Variants in CACNA1G observed in about 807,000 individuals in gnomAD.
The protein encoded by CACNA1G is voltage-dependent T-type calcium channel subunit alpha-1G.
CACNA1G carries 67 observed loss-of-function variants against 219.4 expected under a neutral mutation model. That is an observed-to-expected ratio of 0.31 (90% CI 0.25 to 0.37). CACNA1G has a LOEUF of 0.37. CACNA1G is among the 10% of genes least tolerant of loss of function. The pLI, the probability that CACNA1G is intolerant of heterozygous loss-of-function variation, is 1.00. For synonymous variants in CACNA1G, 1,296 were observed against 1,345.3 expected (o/e 0.96, Z 0.80); for missense variants, 2,380 against 3,231.4 (o/e 0.74, Z 6.39).
rs547688355 is a variant in CACNA1G at position 50,561,087 on chromosome 17, C to A, written c.-373C>A. The A allele has an allele frequency of 4.6e-3, 2,054 of 445,270 alleles. 30 individuals carry two copies. Among genetic ancestry groups the A allele is most frequent in the Non-Finnish European group, 5.0e-3 (1,142 of 230,174 alleles). The allele number at this position is 445,270 out of a possible 1,614,324, so 27.6% of individuals were successfully genotyped here. A position where few individuals can be genotyped will look rare whatever the true frequency, so the allele number is the denominator to read the frequency against. ...GGACCCCCGCCCTCCGCCGCTGCCC[C>A]CCTTTTCGTTCGCCCTCTCGGGGCG... On this transcript the variant is annotated 5_prime_UTR_variant, in exon 1 of 38. Coordinates refer to ENST00000359106, the MANE Select transcript of CACNA1G (RefSeq NM_018896.5).
Position 50,621,633 on chromosome 17 carries a change from T to C in CACNA1G, c.5926-27T>C. ...GCGTGTGCGCTGTCCTGGTTTCTCA[T>C]GCCTGATCATCTCTCTCCCTGTCTA... is the stretch of plus-strand genomic sequence containing the variant. On this transcript the variant is annotated intron_variant, in intron 34 of 37. Coordinates refer to ENST00000359106, the MANE Select transcript of CACNA1G (RefSeq NM_018896.5). This position sits in a 1 kb window ranked among gnomAD's most constrained non-coding sequence, Gnocchi z 4.6. The C allele has an allele frequency of 6.2e-7, 1 of 1,611,922 alleles. No homozygotes were observed. Among genetic ancestry groups the C allele is most frequent in the Non-Finnish European group, 8.5e-7 (1 of 1,178,464 alleles).
chr17:50,566,484 C>T (rs1486019174), intron 1 of CACNA1G, among the ~76,000 whole-genome samples: 1 of 152,194 alleles, frequency 6.6e-6, no homozygotes, highest in African/African-American at 2.4e-5. Context: ...CTGACATGAT[C>T]AAGAGCTGTG....
intron 4 of CACNA1G, 149 bp downstream of exon 4, chr17:50,569,952 C>A (rs1020060536): frequency 6.5e-6 from 4 of 614,280 alleles, no homozygotes; most frequent in Non-Finnish European, 1.2e-5. Flanking sequence ...ATTGCTGGAA[C>A]AAAATGGAAC....
At chr17:50,581,524 C>T (rs989415156) in intron 9 of CACNA1G, among the ~76,000 whole-genome samples, 5 of 152,158 alleles carry the variant, frequency 3.3e-5, no homozygotes, top group African/African-American at 1.2e-4. Context: ...GCTGACTCAT[C>T]ATTCGCTTGT....
chr17:50,592,346 C>G (rs1171667348), intron 13 of CACNA1G, among the ~76,000 whole-genome samples: 2 of 152,202 alleles, frequency 1.3e-5, no homozygotes, highest in African/African-American at 4.8e-5. Flanking sequence ...ACATCCCCTT[C>G]AGAGTTGGCT....
rs2040626860 is a variant in CACNA1G at position 50,576,291 on chromosome 17, G to T, written c.1889G>T (p.Ser630Ile). The T allele has an allele frequency of 1.9e-6, 3 of 1,580,888 alleles. No individual in the cohort carries two copies. The African/African-American group carries it at 4.0e-5, about 21-fold the overall frequency. ...TSLNIPPGPY[S>I]SMHKLLETQS... is the part of the protein sequence containing the mutation. The stretch of plus-strand genomic sequence containing the variant: ...CTCAACATCCCACCCGGGCCCTACA[G>T]CTCCATGCACAAGCTGCTGGAGACA... Residue 630 changes from serine (S) to isoleucine (I), a missense_variant, in exon 8 of 38, where the codon AGC (serine) becomes ATC (isoleucine). By Grantham distance (142) the Ser-to-Ile change is moderately radical (BLOSUM62 -2). This residue lies in a region of CACNA1G where 434 missense variants were observed against 417.3 expected (regional missense o/e 1.04). Transcript: ENST00000359106.
intron 8 of CACNA1G, among the ~76,000 whole-genome samples, chr17:50,577,725 C>T (rs907989644): frequency 3.3e-5 from 5 of 151,168 alleles, no homozygotes; most frequent in South Asian, 4.2e-4. Context: ...CATGTGTACA[C>T]GAGTGTGCGC....
intron 9 of CACNA1G, among the ~76,000 whole-genome samples, chr17:50,582,227 G>A (rs889346824): frequency 5.9e-5 from 9 of 152,230 alleles, no homozygotes; most frequent in Admixed American, 1.3e-4. Flanking sequence ...GGAGGGCTCC[G>A]TGTAGGAGGT....
rs760753436 is a variant in CACNA1G, at chr17:50,596,961, A to G, written c.3258+38A>G. The G allele has an allele frequency of 6.8e-7, 1 of 1,477,990 alleles. No homozygotes were observed. The allele number at this position is 1,477,990 out of a possible 1,614,324, so 91.6% of individuals were successfully genotyped here. ...TGTGGGTACCCTGATGGTGGGAGAT[A>G]TTCCAAGGAGGACAGGAGGAAGAGA... On this transcript the variant is annotated intron_variant, in intron 16 of 37. Coordinates refer to ENST00000359106, the MANE Select transcript of CACNA1G (RefSeq NM_018896.5). The surrounding 1 kb of genome is among the most constrained non-coding windows in gnomAD (Gnocchi z 4.8).
chr17:50,596,859 C>T lies in CACNA1G; in HGVS notation c.3194C>T (p.Ala1065Val), dbSNP rs377426630. The change falls in exon 16 of 38, where the codon GCG (alanine) becomes GTG (valine). Residue 1065 changes from alanine to valine, a missense_variant. Ala to Val is a moderately conservative substitution (Grantham distance 64, BLOSUM62 0). Transcript: ENST00000359106. This position sits in a 1 kb window ranked among gnomAD's most constrained non-coding sequence, Gnocchi z 4.8. ...GGCCTGGGCGAGGCGCTGGGCCCTG[C>T]GTCGCGCCGCACCAGCAGCAGCGGG... ...STGLGEALGP[A>V]SRRTSSSGSA... 1.4e-5 allele frequency: 22 copies of T among 1,596,846 alleles called. No homozygotes were observed. In the Admixed American group the frequency reaches 1.9e-4, roughly 14 times the overall value.
At chr17:50,590,195 C>T (rs12945668) in intron 9 of CACNA1G, among the ~76,000 whole-genome samples, 1 of 151,870 alleles carries the variant, frequency 6.6e-6, no homozygotes, top group Non-Finnish European at 1.5e-5. Flanking sequence ...GGAACCCACA[C>T]CACAGGCCTC....
chr17:50,590,185 G>A (rs970049114), intron 9 of CACNA1G, among the ~76,000 whole-genome samples: 2 of 152,126 alleles, frequency 1.3e-5, no homozygotes, highest in African/African-American at 2.4e-5. Flanking sequence ...GAGATAGGGC[G>A]GAACCCACAC....
At chr17:50,601,732 G>A (rs1400169942) in intron 19 of CACNA1G, among the ~76,000 whole-genome samples, 2 of 152,170 alleles carry the variant, frequency 1.3e-5, no homozygotes, top group Non-Finnish European at 1.5e-5. Context: ...GGTGGGCCCA[G>A]CTCACCCTGG....
intron 33 of CACNA1G, 40 bp downstream of exon 33, chr17:50,619,048 CAGG>C: frequency 6.9e-7 from 1 of 1,440,840 alleles, no homozygotes; most frequent in South Asian, 1.4e-5. Flanking sequence ...GGAGCTGGGG[CAGG>C]AGAAGGGTGT....
chr17:50,614,119 T>C (rs1336925699), intron 26 of CACNA1G, among the ~76,000 whole-genome samples: 2 of 152,138 alleles, frequency 1.3e-5, no homozygotes, highest in African/African-American at 2.4e-5. Context: ...ACCTGGGTGC[T>C]CTTCTTCCTT....
rs1347177965 is a variant in CACNA1G at position 50,561,568 on chromosome 17, G to A, written c.109G>A (p.Ala37Thr). 9 of 1,551,556 alleles carry A rather than the reference G, an allele frequency of 5.8e-6. No homozygotes were observed. In the African/African-American group the frequency reaches 8.2e-5, roughly 14 times the overall value. The change falls in exon 1 of 38, where the codon GCA becomes ACA. Residue 37 changes from alanine to threonine, a missense_variant. By Grantham distance (58) the Ala-to-Thr change is moderately conservative (BLOSUM62 0). Around this residue, in one of 17 missense-constraint regions of CACNA1G, gnomAD observed 98 missense variants for 85.5 expected, o/e 1.15. Transcript: ENST00000359106. ...GAGGRPGPGS[A>T]EKDPGSADSE... is the part of the protein sequence containing the mutation. ...CGGGGGCCGGCCGGGGCCGGGGTCA[G>A]CAGAAAAGGACCCGGGCAGCGCGGA...
chr17:50,570,676 G>T (rs977062562), intron 4 of CACNA1G, among the ~76,000 whole-genome samples: 5 of 151,910 alleles, frequency 3.3e-5, no homozygotes, highest in African/African-American at 1.2e-4. Context: ...AGCTCCAGAA[G>T]AGGGGCATGC....
intron 25 of CACNA1G, among the ~76,000 whole-genome samples, chr17:50,609,399 G>T (rs527568043): frequency 6.6e-6 from 1 of 152,286 alleles, no homozygotes; most frequent in African/African-American, 2.4e-5. Flanking sequence ...TAGGGGTCCG[G>T]GTTCGGCTTC....
intron 9 of CACNA1G, among the ~76,000 whole-genome samples, chr17:50,589,866 A>C (rs1276956370): frequency 1.4e-5 from 2 of 143,186 alleles, no homozygotes; most frequent in African/African-American, 2.7e-5. Flanking sequence ...GCCTATCACC[A>C]TGTGTGTGAC....
Sources: gnomAD v4.1 joint callset for allele counts (sites outside exome capture counted in the v4.1 genomes callset) on GRCh38, gnomAD v4.1.1 for gene constraint, gnomAD v4.1.1 regional missense constraint, Gnocchi (gnomAD v3.1) non-coding constraint, MANE v1.5 for transcripts, NCBI Gene and HGNC (gene_info 2026-07-23, HGNC 2026-07-21) for gene names.